The following PHLDB2 variants were observed in gnomAD, a reference collection of about 807,000 sequenced individuals.
The protein encoded by PHLDB2 is pleckstrin homology-like domain family B member 2.
PHLDB2 carries 71 observed loss-of-function variants against 123.6 expected under a neutral mutation model. That is an observed-to-expected ratio of 0.57 (90% CI 0.47 to 0.70). The LOEUF is 0.70. Among genes scored for constraint, PHLDB2 ranks in the 30% least tolerant of loss-of-function variants. PHLDB2 has a pLI of 0.00. For synonymous variants in PHLDB2, 547 were observed against 541.6 expected (o/e 1.01, Z -0.14); for missense variants, 1,446 against 1,519.5 (o/e 0.95, Z 0.80).
At chr3:111,778,199 A>G (rs2060301857) in intron 1 of PHLDB2, 1 of 152,002 alleles carries the variant, frequency 6.6e-6, no homozygotes. Flanking sequence ...AGGTCTTTAC[A>G]AAGGTAATCA....
intron 5 of PHLDB2, 43 bp from the exon 6 acceptor site, chr3:111,932,226 G>A: frequency 1.3e-6 from 2 of 1,543,464 alleles, no homozygotes; most frequent in Non-Finnish European, 1.8e-6. Context: ...GCTTGGGGGT[G>A]TGAAGGTAAT....
At chr3:111,921,072 A>G (rs2068471009) in intron 5 of PHLDB2, among the ~76,000 whole-genome samples, 2 of 152,234 alleles carry the variant, frequency 1.3e-5, no homozygotes. Context: ...CACAACCTGA[A>G]TGGTGGCTGA....
At chr3:111,923,599 C>T (rs540841328) in intron 5 of PHLDB2, among the ~76,000 whole-genome samples, 2 of 152,284 alleles carry the variant, frequency 1.3e-5, no homozygotes, top group South Asian at 4.1e-4. Context: ...TGAACACACC[C>T]ATAACTGAAC....
At chr3:111,753,593 G>A (rs1267657096) in intron 1 of PHLDB2, among the ~76,000 whole-genome samples, 1 of 152,280 alleles carries the variant, frequency 6.6e-6, no homozygotes, top group East Asian at 1.9e-4. Flanking sequence ...CTCCCATTTT[G>A]TAGGTTGCCT....
At chr3:111,867,086 A>G (rs17424938) in intron 1 of PHLDB2, among the ~76,000 whole-genome samples, 15,487 of 152,144 alleles carry the variant, frequency 0.1, 1,034 homozygotes, top group Non-Finnish European at 0.14. Context: ...ACATAACGTT[A>G]TCTTGCAAAT....
At position 111,932,266 on chromosome 3, in the gene PHLDB2, C is replaced by G; in HGVS notation, c.2002-3C>G. On this transcript the variant is annotated splice_region_variant and splice_polypyrimidine_tract_variant and intron_variant, in intron 5 of 17. Transcript: ENST00000431670. ...ATTCTATTTTCTGGTTTCTGAACTT[C>G]AGGAGAAGGTAAAGCTTGATGCTGA... 6.4e-7 allele frequency: 1 copy of G among 1,550,510 alleles called. No homozygotes were observed.
chr3:111,877,979 G>A (rs1439120816), intron 1 of PHLDB2, among the ~76,000 whole-genome samples: 2 of 152,154 alleles, frequency 1.3e-5, no homozygotes, highest in Non-Finnish European at 2.9e-5. Flanking sequence ...TTGAAGTCAG[G>A]TAGCATGATG....
intron 1 of PHLDB2, among the ~76,000 whole-genome samples, chr3:111,782,047 T>G (rs2060494883): frequency 6.6e-6 from 1 of 152,102 alleles, no homozygotes; most frequent in Non-Finnish European, 1.5e-5. Context: ...CTCTGTTTAC[T>G]TATGTACTGT....
chr3:111,935,093 ATTTTTTTT>A (rs34291565), intron 6 of PHLDB2, among the ~76,000 whole-genome samples: 17 of 75,204 alleles, frequency 2.3e-4, no homozygotes, highest in African/African-American at 7.4e-4. Flanking sequence ...TGGTATCTTG[ATTTTTTTT>A]TTTTTTTTTT....
chr3:111,926,279 G>A (rs1448893568), intron 5 of PHLDB2, among the ~76,000 whole-genome samples: 1 of 152,102 alleles, frequency 6.6e-6, no homozygotes, highest in Non-Finnish European at 1.5e-5. Flanking sequence ...ACGATTTTCT[G>A]GCCAAAGTAC....
chr3:111,807,908 T>G (rs2108311378), intron 1 of PHLDB2, among the ~76,000 whole-genome samples: 1 of 152,106 alleles, frequency 6.6e-6, no homozygotes, highest in African/African-American at 2.4e-5. Context: ...ATTGCTTTAT[T>G]TCTTTGATAA....
intron 1 of PHLDB2, among the ~76,000 whole-genome samples, chr3:111,799,376 C>T (rs2061295761): frequency 1.3e-5 from 2 of 152,132 alleles, no homozygotes; most frequent in Admixed American, 1.3e-4. Context: ...GAATAGTAGT[C>T]TTTGAATTTA....
chr3:111,767,053 A>G (rs1459042343), intron 1 of PHLDB2, among the ~76,000 whole-genome samples: 3 of 44,300 alleles, frequency 6.8e-5, no homozygotes, highest in East Asian at 2.5e-3. Context: ...AAAAAAAAAA[A>G]GCAGTCCAAA....
intron 1 of PHLDB2, among the ~76,000 whole-genome samples, chr3:111,869,962 G>T (rs2065260459): frequency 6.6e-6 from 1 of 152,180 alleles, no homozygotes; most frequent in Non-Finnish European, 1.5e-5. Flanking sequence ...CAAAGAACAT[G>T]GTGCAAAGGA....
intron 1 of PHLDB2, among the ~76,000 whole-genome samples, chr3:111,782,760 C>T (rs1015926155): frequency 1.4e-4 from 21 of 152,032 alleles, no homozygotes; most frequent in Non-Finnish European, 2.8e-4. Flanking sequence ...AGGCAACAAC[C>T]CTCTCTACTT....
At chr3:111,910,308 T>C (rs1377868419) in intron 2 of PHLDB2, among the ~76,000 whole-genome samples, 2 of 152,226 alleles carry the variant, frequency 1.3e-5, no homozygotes, top group East Asian at 3.8e-4. Context: ...AAAATAATTT[T>C]ATTCAAGATG....
At position 111,885,059 on chromosome 3, in the gene PHLDB2, AC is replaced by A; in HGVS notation, c.985del (p.Leu329SerfsTer97). ...ASEGNPYVSS[T>X]LSVPASPRVA... The stretch of plus-strand genomic sequence containing the variant: ...TGAAGGCAATCCTTATGTAAGTTCT[AC>A]CCTCAGTGTCCCTGCCAGTCCACGA... On this transcript the variant is annotated frameshift_variant, in exon 2 of 18. Coordinates refer to ENST00000431670, the MANE Select transcript of PHLDB2 (RefSeq NM_001134438.2). LOFTEE classifies it high-confidence loss of function. The A allele has an allele frequency of 6.2e-7, 1 of 1,613,970 alleles. No homozygotes were observed. The highest frequency in any genetic ancestry group is 8.5e-7 in the Non-Finnish European group (1 of 1,180,002).
At chr3:111,920,705 C>A (rs945512918) in intron 5 of PHLDB2, among the ~76,000 whole-genome samples, 2 of 152,142 alleles carry the variant, frequency 1.3e-5, no homozygotes, top group Non-Finnish European at 2.9e-5. Context: ...TGCTTTTTTT[C>A]ATTGGCCTTT....
At chr3:111,815,222 G>A (rs2062021039) in intron 1 of PHLDB2, among the ~76,000 whole-genome samples, 1 of 152,138 alleles carries the variant, frequency 6.6e-6, no homozygotes, top group Non-Finnish European at 1.5e-5. Flanking sequence ...TTTGTCAGCA[G>A]CATGAAAATG....
Sources: allele counts gnomAD v4.1 joint callset (sites outside exome capture counted in the v4.1 genomes callset), GRCh38; gene constraint gnomAD v4.1.1; transcripts MANE v1.5; gene names NCBI Gene and HGNC (gene_info 2026-07-23, HGNC 2026-07-21).